URGCP: variants seen among roughly 807,000 people sequenced by gnomAD.
URGCP encodes up-regulator of cell proliferation.
Under a neutral mutation model 24.6 loss-of-function variants are expected in URGCP, and 13 were observed. The observed-to-expected ratio is 0.53, with a 90% CI of 0.34 to 0.84. The LOEUF (loss-of-function observed/expected upper bound fraction) is 0.84, where lower values mean the gene tolerates loss of function less well. Ranked by LOEUF, URGCP falls within the 40% of genes least tolerant of loss-of-function variation. The pLI is 0.01. For synonymous variants in URGCP, 444 were observed against 487.2 expected (o/e 0.91, Z 1.17); for missense variants, 899 against 1,194.3 (o/e 0.75, Z 3.64).
chr7:43,900,469 C>CAAAAAAAAAAAAAAAACAAAAAA (rs2095888339), intron 1 of URGCP, among the ~76,000 whole-genome samples: 1 of 114,494 alleles, frequency 8.7e-6, no homozygotes, highest in Non-Finnish European at 1.8e-5. Flanking sequence ...AAAACCAAAA[C>CAAAAAAAAAAAAAAAACAAAAAA]AAAAAAAAAA....
intron 1 of URGCP, among the ~76,000 whole-genome samples, chr7:43,891,753 T>C (rs192236177): frequency 6.6e-6 from 1 of 152,244 alleles, no homozygotes; most frequent in Non-Finnish European, 1.5e-5. Context: ...GTAGCTGGGA[T>C]TACAGCATGC....
rs551969187 is a variant in URGCP at position 43,919,983 on chromosome 7, T to C, written c.-116+6149A>G. 4.5e-4 allele frequency: 609 copies of C among 1,351,042 alleles called. 1 individual carries two copies. Among genetic ancestry groups the C allele is most frequent in the Admixed American group, 3.4e-4 (20 of 59,466 alleles). 83.7% of individuals were successfully genotyped at this position (1,351,042 alleles called of 1,614,324 possible). A position where few individuals can be genotyped will look rare whatever the true frequency, so the allele number is the denominator to read the frequency against. On this transcript the variant is annotated intron_variant, in intron 1 of 5. Transcript: ENST00000426198. ...GATGGACACAACACATCTAGGGAGA[T>C]TGTGCAGCAGCTCATGGATGAGTAC... is the stretch of plus-strand genomic sequence containing the variant.
chr7:43,918,552 A>T, intron 1 of URGCP: 1 of 351,112 alleles, frequency 2.8e-6, no homozygotes, highest in Non-Finnish European at 5.4e-6. Flanking sequence ...AAGTGCTAGG[A>T]TTACAGACAT....
upstream of URGCP, among the ~76,000 whole-genome samples, chr7:43,910,382 ATTTTTTTTTTTTTT>A (rs1158648185): frequency 1.1e-5 from 1 of 90,088 alleles, no homozygotes; most frequent in African/African-American, 4.7e-5. Context: ...TGTCTGGCTA[ATTTTTTTTTTTTTT>A]TTTTTTTTTT....
chr7:43,908,347 G>A (rs555956565), upstream of URGCP, among the ~76,000 whole-genome samples: 85 of 152,308 alleles, frequency 5.6e-4, no homozygotes, highest in African/African-American at 2.0e-3. Flanking sequence ...CAAAGTGCTG[G>A]GGTTACAGGC....
intron 1 of URGCP, chr7:43,905,960 T>C (rs1039972983): frequency 1.3e-5 from 2 of 152,042 alleles, no homozygotes; most frequent in Non-Finnish European, 2.9e-5. Flanking sequence ...AATATCAAAA[T>C]AAGCGCAGCC....
At chr7:43,888,571 A>G (rs559212308) in intron 1 of URGCP, 4 of 152,170 alleles carry the variant, frequency 2.6e-5, no homozygotes, top group African/African-American at 9.6e-5. Context: ...AAATGTATTG[A>G]TTCTGCCAGG....
intron 1 of URGCP, among the ~76,000 whole-genome samples, chr7:43,901,916 A>C (rs991156528): frequency 6.6e-6 from 1 of 152,222 alleles, no homozygotes; most frequent in African/African-American, 2.4e-5. Context: ...CTTCCAAGGT[A>C]GATGAGTCCT....
intron 3 of URGCP, among the ~76,000 whole-genome samples, chr7:43,886,268 G>T (rs2095861964): frequency 6.6e-6 from 1 of 152,172 alleles, no homozygotes; most frequent in African/African-American, 2.4e-5. Flanking sequence ...GATTACAGGT[G>T]TGAGCCACTG....
intron 1 of URGCP, chr7:43,918,904 A>G: frequency 7.1e-7 from 1 of 1,407,760 alleles, no homozygotes; most frequent in Non-Finnish European, 1.0e-6. Flanking sequence ...CTGGACCTGG[A>G]GCCCCAGGTG....
intron 1 of URGCP, among the ~76,000 whole-genome samples, chr7:43,892,114 C>T (rs909797709): frequency 3.3e-5 from 5 of 151,658 alleles, no homozygotes; most frequent in Admixed American, 1.3e-4. Context: ...GACAGGGTTT[C>T]GCTATGTAGC....
chr7:43,919,281 A>ATGCAGAACGCAGACTGTGTGGTGGTGC, intron 1 of URGCP: 1 of 820,378 alleles, frequency 1.2e-6, no homozygotes, highest in Non-Finnish European at 2.2e-6. Context: ...CAAGAGGCTG[A>ATGCAGAACGCAGACTGTGTGGTGGTGC]TGCAGAACGC....
intron 1 of URGCP, among the ~76,000 whole-genome samples, chr7:43,898,146 G>A (rs999167460): frequency 4.6e-5 from 7 of 152,152 alleles, no homozygotes; most frequent in Admixed American, 4.6e-4. Context: ...ACCTCCACCT[G>A]ACACCACAGT....
intron 1 of URGCP, among the ~76,000 whole-genome samples, chr7:43,901,216 G>C (rs2095890058): frequency 6.6e-6 from 1 of 152,182 alleles, no homozygotes; most frequent in African/African-American, 2.4e-5. Flanking sequence ...CCTAGGACTG[G>C]AAAGTCCCTG....
chr7:43,892,674 A>G (rs962505971), intron 1 of URGCP, among the ~76,000 whole-genome samples: 2 of 152,178 alleles, frequency 1.3e-5, no homozygotes, highest in Non-Finnish European at 2.9e-5. Flanking sequence ...TATCTCCAAA[A>G]AAGATCACAA....
Position 43,922,878 on chromosome 7 carries a change from G to C in URGCP, c.-116+3254C>G, listed in dbSNP as rs372537875. 6.1e-4 allele frequency among the ~76,000 whole-genome samples: 93 copies of C among 151,892 alleles called. No individual in the cohort carries two copies. In the East Asian group the frequency reaches 0.016, roughly 26 times the overall value. ...TTATAGATGTAAGCCACCACACCAGGCATTTTTTTTTCTTTCTCTTTCTTT... is the reference window on the plus strand; with the variant it reads ...TTATAGATGTAAGCCACCACACCAGCCATTTTTTTTTCTTTCTCTTTCTTT... On this transcript the variant is annotated intron_variant, in intron 1 of 5. Transcript: ENST00000426198.
chr7:43,887,473 C>T lies in URGCP; in HGVS notation c.54G>A (p.Leu18=). 2 of 1,613,740 alleles carry T rather than the reference C, an allele frequency of 1.2e-6. No individual in the cohort carries two copies. Among genetic ancestry groups the T allele is most frequent in the Non-Finnish European group, 1.7e-6 (2 of 1,179,814 alleles). Residue 18 remains leucine, a synonymous_variant, in exon 3 of 6, where the codon TTG becomes TTA. Coordinates refer to ENST00000453200, the MANE Select transcript of URGCP (RefSeq NM_001077663.3). ...VELLGKGHSD[L]GEVAPEIKAS... ...CTTTTATTTCTGGGGCTACTTCTCC[C>T]AAATCTGAATGCCTGAAACAATTTC...
chr7:43,924,818 C>T (rs2095926883), intron 1 of URGCP, among the ~76,000 whole-genome samples: 1 of 152,190 alleles, frequency 6.6e-6, no homozygotes, highest in East Asian at 1.9e-4. Flanking sequence ...GTCTCCCAGC[C>T]TGGAGTGCAG....
chr7:43,911,926 T>C (rs1024394558), intron 1 of URGCP, among the ~76,000 whole-genome samples: 2 of 150,860 alleles, frequency 1.3e-5, no homozygotes, highest in South Asian at 2.1e-4. Flanking sequence ...AACTAGAAAA[T>C]TGACAAATGT....
Sources: allele counts gnomAD v4.1 joint callset (sites outside exome capture counted in the v4.1 genomes callset), GRCh38; gene constraint gnomAD v4.1.1; transcripts MANE v1.5; gene names NCBI Gene and HGNC (gene_info 2026-07-23, HGNC 2026-07-21).